RNF150: variants seen among roughly 807,000 people sequenced by gnomAD.
The protein encoded by RNF150 is ring finger protein 150.
In RNF150, 24 loss-of-function variants were observed where a neutral mutation model predicts 39.3. The ratio of observed to expected loss-of-function variants is 0.61; its 90% CI spans 0.44 to 0.86. The LOEUF is 0.86. RNF150 is among the 40% of genes least tolerant of loss of function. The pLI, the probability that RNF150 is intolerant of heterozygous loss-of-function variation, is 0.00. For missense variants in RNF150, 502 were observed against 587.8 expected (o/e 0.85, Z 1.51); for synonymous variants, 255 against 227.3 (o/e 1.12, Z -1.10).
intron 1 of RNF150, among the ~76,000 whole-genome samples, chr4:140,978,560 A>C (rs1733748591): frequency 6.6e-6 from 1 of 152,166 alleles, no homozygotes; most frequent in Non-Finnish European, 1.5e-5. Flanking sequence ...TAAATGTAGA[A>C]TAAGAATTAT....
chr4:141,127,987 G>T (rs1480846983), intron 1 of RNF150, among the ~76,000 whole-genome samples: 1 of 152,120 alleles, frequency 6.6e-6, no homozygotes, highest in Non-Finnish European at 1.5e-5. Flanking sequence ...AACTCAATAG[G>T]AGAATCTTAA....
chr4:141,073,663 C>CA (rs143412817), intron 1 of RNF150, among the ~76,000 whole-genome samples: 1,952 of 116,452 alleles, frequency 0.017, 55 homozygotes, highest in African/African-American at 0.047. Context: ...ATATCAAGCT[C>CA]GGGGGGGGAA....
At chr4:141,186,952 T>A (rs1728023770) in intron 1 of RNF150, among the ~76,000 whole-genome samples, 2 of 152,206 alleles carry the variant, frequency 1.3e-5, no homozygotes, top group South Asian at 4.1e-4. Flanking sequence ...TGTTAGGGTG[T>A]CGATTATAGA....
At chr4:141,158,082 G>T (rs1377946016) in intron 1 of RNF150, among the ~76,000 whole-genome samples, 1 of 152,128 alleles carries the variant, frequency 6.6e-6, no homozygotes, top group Non-Finnish European at 1.5e-5. Flanking sequence ...CACGAGGTCA[G>T]GAGTTCAAGA....
chr4:140,943,546 G>C (rs1305600339), intron 4 of RNF150, among the ~76,000 whole-genome samples: 2 of 152,130 alleles, frequency 1.3e-5, no homozygotes, highest in Non-Finnish European at 2.9e-5. Flanking sequence ...TAACTTCCTT[G>C]TGTCTGGTAT....
rs148055240 is a variant in RNF150 at position 140,887,629 on chromosome 4, T to C, written c.1199-19250A>G. On this transcript the variant is annotated intron_variant, in intron 6 of 6. Coordinates refer to ENST00000515673, the MANE Select transcript of RNF150 (RefSeq NM_020724.2). ...GTGACAGCCTTATCCCTACTGCTTG[T>C]ACAAGTGTCACCCTGTTACAAAATA... Among the ~76,000 whole-genome samples, 643 of 152,246 alleles carry C rather than the reference T, an allele frequency of 4.2e-3. 4 individuals carry two copies. The highest frequency in any genetic ancestry group is 0.014 in the African/African-American group (598 of 41,554).
chr4:141,000,040 AGAAG>A (rs1560679181), intron 1 of RNF150, among the ~76,000 whole-genome samples: 4 of 76,398 alleles, frequency 5.2e-5, no homozygotes, highest in Non-Finnish European at 8.9e-5. Context: ...AAGAAGAAGA[AGAAG>A]AAGAAGAAGA....
Position 141,048,109 on chromosome 4 carries a change from G to A in RNF150, c.485-80236C>T, listed in dbSNP as rs114631794. On this transcript the variant is annotated intron_variant, in intron 1 of 6. Coordinates refer to ENST00000515673, the MANE Select transcript of RNF150 (RefSeq NM_020724.2). ...GGGTCCTCAAAGATCCTGCCTAACC[G>A]AAATTCAAGGGCACTTTCATCCATG... Among the ~76,000 whole-genome samples, 1,250 of 152,238 alleles carry A rather than the reference G, an allele frequency of 8.2e-3. 12 individuals carry two copies. The highest frequency in any genetic ancestry group is 0.026 in the South Asian group (126 of 4,818).
intron 1 of RNF150, among the ~76,000 whole-genome samples, chr4:141,041,586 CAGG>C (rs1736374336): frequency 6.6e-6 from 1 of 151,972 alleles, no homozygotes; most frequent in African/African-American, 2.4e-5. Flanking sequence ...AATCTCTGAC[CAGG>C]AGGAGAATTT....
At chr4:141,179,574 A>G (rs1393285431) in intron 1 of RNF150, among the ~76,000 whole-genome samples, 1 of 152,010 alleles carries the variant, frequency 6.6e-6, no homozygotes, top group East Asian at 1.9e-4. Flanking sequence ...ACCTTCTGTC[A>G]CTCCCACAAC....
intron 1 of RNF150, among the ~76,000 whole-genome samples, chr4:141,028,966 A>G (rs1475429050): frequency 6.6e-6 from 1 of 152,192 alleles, no homozygotes; most frequent in Non-Finnish European, 1.5e-5. Context: ...AACCAACATA[A>G]TTTATTAAGA....
intron 1 of RNF150, among the ~76,000 whole-genome samples, chr4:141,138,643 A>C (rs1727066573): frequency 6.6e-6 from 1 of 152,116 alleles, no homozygotes. Flanking sequence ...ACAGTGCTGT[A>C]GTGGTGGAGT....
chr4:141,053,402 A>G (rs1560711700), intron 1 of RNF150, among the ~76,000 whole-genome samples: 1 of 152,212 alleles, frequency 6.6e-6, no homozygotes, highest in African/African-American at 2.4e-5. Context: ...TAGCAAAATC[A>G]TAAGAAAAAC....
chr4:140,922,411 C>T (rs7441997), intron 5 of RNF150, among the ~76,000 whole-genome samples: 5 of 147,386 alleles, frequency 3.4e-5, no homozygotes, highest in Admixed American at 6.8e-5. Context: ...CCAACTTATA[C>T]GGGACGGGAA....
intron 4 of RNF150, among the ~76,000 whole-genome samples, chr4:140,943,489 T>C (rs921317404): frequency 6.6e-6 from 1 of 152,228 alleles, no homozygotes; most frequent in Non-Finnish European, 1.5e-5. Flanking sequence ...ATACAAACCA[T>C]TGTTAGAAGA....
chr4:141,000,254 G>A (rs775445916), intron 1 of RNF150, among the ~76,000 whole-genome samples: 15 of 152,164 alleles, frequency 9.9e-5, no homozygotes, highest in Non-Finnish European at 1.8e-4. Context: ...TCAGTGTAGA[G>A]AAGACAGTTT....
intron 1 of RNF150, among the ~76,000 whole-genome samples, chr4:141,045,056 A>G (rs560724816): frequency 2.0e-5 from 3 of 152,222 alleles, no homozygotes; most frequent in Non-Finnish European, 4.4e-5. Context: ...TTCCCATCAT[A>G]TATGTAAAAA....
intron 1 of RNF150, among the ~76,000 whole-genome samples, chr4:141,207,605 C>T (rs1728394832): frequency 1.3e-5 from 2 of 150,530 alleles, no homozygotes; most frequent in Admixed American, 6.6e-5. Context: ...GGATTCTTCT[C>T]CACGACATCC....
At chr4:141,138,693 A>G (rs1727067440) in intron 1 of RNF150, among the ~76,000 whole-genome samples, 1 of 152,182 alleles carries the variant, frequency 6.6e-6, no homozygotes, top group Non-Finnish European at 1.5e-5. Flanking sequence ...CAGGCAATCC[A>G]GGATTAGAAT....
Sources: gnomAD v4.1 joint callset for allele counts (sites outside exome capture counted in the v4.1 genomes callset) on GRCh38, gnomAD v4.1.1 for gene constraint, MANE v1.5 for transcripts, NCBI Gene and HGNC (gene_info 2026-07-23, HGNC 2026-07-21) for gene names.